DPY19L1: variants seen among roughly 807,000 people sequenced by gnomAD.
DPY19L1 encodes the protein protein C-mannosyl-transferase DPY19L1.
In DPY19L1, 35 loss-of-function variants were observed where a neutral mutation model predicts 96.9. The ratio of observed to expected loss-of-function variants is 0.36; its 90% CI spans 0.28 to 0.48. DPY19L1 has a LOEUF of 0.48. Ranked by LOEUF, DPY19L1 falls within the 20% of genes least tolerant of loss-of-function variation. The pLI, the probability that DPY19L1 is intolerant of heterozygous loss-of-function variation, is 0.99. For missense variants in DPY19L1, 521 were observed against 777.9 expected (o/e 0.67, Z 3.93); for synonymous variants, 205 against 252.6 (o/e 0.81, Z 1.79).
intron 7 of DPY19L1, among the ~76,000 whole-genome samples, chr7:34,975,150 T>C (rs1784805562): frequency 6.6e-6 from 1 of 152,200 alleles, no homozygotes. Context: ...TGTTCATCTC[T>C]CACTTTAAGT....
chr7:34,937,579 T>C (rs991266250), intron 21 of DPY19L1, among the ~76,000 whole-genome samples: 1 of 152,058 alleles, frequency 6.6e-6, no homozygotes, highest in African/African-American at 2.4e-5. Context: ...TACAAATCAT[T>C]ATTTAAAAAA....
At chr7:35,023,671 T>C (rs74633691) in intron 1 of DPY19L1, among the ~76,000 whole-genome samples, 29,457 of 152,010 alleles carry the variant, frequency 0.19, 3,241 homozygotes, top group Admixed American at 0.35. Flanking sequence ...CCAAGGCACA[T>C]AGCTGGTAAG....
chr7:34,956,359 T>C (rs1451169107), intron 11 of DPY19L1, among the ~76,000 whole-genome samples: 1 of 152,188 alleles, frequency 6.6e-6, no homozygotes, highest in Non-Finnish European at 1.5e-5. Flanking sequence ...ACTATACTTA[T>C]TAATCCCAAA....
chr7:34,998,971 C>T (rs1785360450), intron 6 of DPY19L1, among the ~76,000 whole-genome samples: 1 of 151,894 alleles, frequency 6.6e-6, no homozygotes, highest in Admixed American at 6.6e-5. Flanking sequence ...GGAGAAAAAC[C>T]CTGAGAAAAT....
chr7:34,946,616 C>G (rs1244438474), intron 15 of DPY19L1, among the ~76,000 whole-genome samples: 2 of 152,186 alleles, frequency 1.3e-5, no homozygotes, highest in Non-Finnish European at 1.5e-5. Flanking sequence ...AAAGCACACA[C>G]AAAGCCTAGC....
At chr7:34,982,957 AT>A (rs1225594358) in intron 7 of DPY19L1, among the ~76,000 whole-genome samples, 6 of 152,212 alleles carry the variant, frequency 3.9e-5, no homozygotes, top group African/African-American at 1.4e-4. Context: ...AGTTTAAAGA[AT>A]GGTAAGATCA....
chr7:34,949,842 A>G lies in DPY19L1; in HGVS notation c.1377T>C (p.Thr459=). The G allele has an allele frequency of 6.2e-7, 1 of 1,603,730 alleles. No individual in the cohort carries two copies. Among genetic ancestry groups the G allele is most frequent in the Non-Finnish European group, 8.5e-7 (1 of 1,176,216 alleles). Residue 459 remains threonine, a synonymous_variant, in exon 14 of 22, where the codon ACT becomes ACC. Coordinates refer to ENST00000638088, the MANE Select transcript of DPY19L1 (RefSeq NM_001366673.1). The part of the protein sequence containing the change: ...SKFFSYKDFD[T]LLYTCAAEFD... ...ACTCCGCTGCACAGGTATACAATAA[A>G]GTATCAAAATCCTTATAACTAAAGA...
At chr7:35,003,067 GC>G (rs1437463274) in intron 6 of DPY19L1, among the ~76,000 whole-genome samples, 8 of 152,252 alleles carry the variant, frequency 5.3e-5, no homozygotes, top group South Asian at 2.1e-4. Context: ...ACCGTGCCCG[GC>G]CAGCAACCAA....
chr7:34,975,512 A>G (rs1784812701), intron 7 of DPY19L1, among the ~76,000 whole-genome samples: 1 of 152,220 alleles, frequency 6.6e-6, no homozygotes, highest in East Asian at 1.9e-4. Context: ...TAAAAGTACA[A>G]GGTACAACAG....
intron 1 of DPY19L1, among the ~76,000 whole-genome samples, chr7:35,036,800 C>G (rs1786412647): frequency 1.3e-5 from 2 of 152,014 alleles, no homozygotes; most frequent in Admixed American, 1.3e-4. Context: ...TTAGCGCAGA[C>G]CTGCTGCCCG....
At chr7:35,023,833 C>CTTTTTTTTTTTTTTTTTTTT (rs755619806) in intron 1 of DPY19L1, among the ~76,000 whole-genome samples, 58 of 111,802 alleles carry the variant, frequency 5.2e-4, no homozygotes, top group Non-Finnish European at 7.2e-4. Context: ...CTTTTCTTTT[C>CTTTTTTTTTTTTTTTTTTTT]TTTTTTTTTT....
intron 5 of DPY19L1, among the ~76,000 whole-genome samples, chr7:35,010,897 A>G (rs981883953): frequency 8.5e-5 from 13 of 152,182 alleles, no homozygotes; most frequent in African/African-American, 3.1e-4. Flanking sequence ...AGGCTAGGTC[A>G]TAAGAGGTCA....
chr7:35,027,668 TA>T lies in DPY19L1; in HGVS notation c.299-9073del, dbSNP rs57262214. Among the ~76,000 whole-genome samples the T allele has an allele frequency of 3.1e-3, 224 of 71,384 alleles. 5 individuals are homozygous for T. The highest frequency in any genetic ancestry group is 6.6e-3 in the African/African-American group (151 of 22,902). 46.8% of individuals were successfully genotyped at this position (71,384 alleles called of 152,430 possible). ...CAACATGGCAAAACCCCGTCTCTAC[TA>T]AAAAAAAAAAAAAAAAAAATTAGTT... On this transcript the variant is annotated intron_variant, in intron 1 of 21. Coordinates refer to ENST00000638088, the MANE Select transcript of DPY19L1 (RefSeq NM_001366673.1).
intron 6 of DPY19L1, among the ~76,000 whole-genome samples, chr7:35,004,140 T>G (rs558678007): frequency 5.9e-5 from 9 of 152,298 alleles, no homozygotes; most frequent in African/African-American, 2.2e-4. Flanking sequence ...CAGTAAATGA[T>G]TAAAGGCTTA....
intron 10 of DPY19L1, among the ~76,000 whole-genome samples, chr7:34,958,701 A>C (rs549974676): frequency 2.0e-5 from 3 of 152,228 alleles, no homozygotes; most frequent in Non-Finnish European, 2.9e-5. Context: ...GTGGCAATTC[A>C]CTTTCCCACC....
At chr7:34,986,888 A>G (rs1251752399) in intron 7 of DPY19L1, among the ~76,000 whole-genome samples, 1 of 152,040 alleles carries the variant, frequency 6.6e-6, no homozygotes, top group Non-Finnish European at 1.5e-5. Context: ...ATTTATTTTT[A>G]AAAAACACAA....
rs375642377 is a variant in DPY19L1 at position 34,938,984 on chromosome 7, G to A, written c.1964+292C>T. ...TCCCCAGGGAGTTACAGGATGAAAA[G>A]GACTTGGACATTTTAGAGCCCTGTT... On this transcript the variant is annotated intron_variant, in intron 20 of 21. Transcript: ENST00000638088. The A allele has an allele frequency of 1.6e-5, 4 of 242,578 alleles. No individual in the cohort carries two copies. In the South Asian group the frequency reaches 6.7e-4, roughly 41 times the overall value. 15.0% of individuals were successfully genotyped at this position (242,578 alleles called of 1,614,324 possible).
intron 7 of DPY19L1, among the ~76,000 whole-genome samples, chr7:34,977,635 T>C (rs967064688): frequency 1.3e-5 from 2 of 152,210 alleles, no homozygotes; most frequent in African/African-American, 4.8e-5. Flanking sequence ...GATGATGCCA[T>C]ATAATTTGAA....
In DPY19L1 at chr7:35,013,844, A is replaced by C. The variant is rs865809245; in HGVS notation, c.412-139T>G. The C allele has an allele frequency of 1.8e-5, 10 of 569,094 alleles. 1 individual carries two copies. In the Middle Eastern group the frequency reaches 2.8e-3, roughly 162 times the overall value. The allele number at this position is 569,094 out of a possible 1,614,324, so 35.3% of individuals were successfully genotyped here. On this transcript the variant is annotated intron_variant, in intron 3 of 21. Coordinates refer to ENST00000638088, the MANE Select transcript of DPY19L1 (RefSeq NM_001366673.1). ...CAATGAATTTCACAGGTTTCTGATC[A>C]CTGATAAATCCTAAAGTTGTGAAAA...
Sources: gnomAD v4.1 joint callset for allele counts (sites outside exome capture counted in the v4.1 genomes callset) on GRCh38, gnomAD v4.1.1 for gene constraint, MANE v1.5 for transcripts, NCBI Gene and HGNC (gene_info 2026-07-23, HGNC 2026-07-21) for gene names.